Variants in CRYBG1 observed in about 807,000 individuals in gnomAD.
CRYBG1 encodes the protein beta/gamma crystallin domain-containing protein 1.
In CRYBG1, 139 loss-of-function variants were observed where a neutral mutation model predicts 189.2. That is an observed-to-expected ratio of 0.73 (90% CI 0.64 to 0.85). The LOEUF (loss-of-function observed/expected upper bound fraction) is 0.85, where lower values mean the gene tolerates loss of function less well. Ranked by LOEUF, CRYBG1 falls within the 40% of genes least tolerant of loss-of-function variation. The pLI is 0.00. For missense variants in CRYBG1, 2,611 were observed against 2,675.8 expected (o/e 0.98, Z 0.53); for synonymous variants, 1,023 against 1,017.1 (o/e 1.01, Z -0.11).
chr6:106,550,193 G>A (rs1774363516), intron 13 of CRYBG1, among the ~76,000 whole-genome samples: 2 of 152,142 alleles, frequency 1.3e-5, no homozygotes, highest in African/African-American at 2.4e-5. Context: ...CTGGCACCTG[G>A]TAAATGAATT....
intron 2 of CRYBG1, among the ~76,000 whole-genome samples, chr6:106,474,490 G>C (rs1474230156): frequency 6.6e-6 from 1 of 152,120 alleles, no homozygotes; most frequent in East Asian, 1.9e-4. Context: ...AAGTCATAAA[G>C]GTTTTACTTT....
chr6:106,378,418 C>T (rs1312806313), intron 1 of CRYBG1, among the ~76,000 whole-genome samples: 1 of 152,208 alleles, frequency 6.6e-6, no homozygotes, highest in African/African-American at 2.4e-5. Flanking sequence ...CTGCTCAGGG[C>T]TCGGTCCTCG....
intron 2 of CRYBG1, among the ~76,000 whole-genome samples, chr6:106,463,563 T>C (rs780751452): frequency 2.2e-4 from 34 of 152,208 alleles, no homozygotes; most frequent in Non-Finnish European, 4.6e-4. Context: ...TATATGTGTT[T>C]GTATGTGTAT....
At chr6:106,481,012 C>T (rs1419140757) in intron 2 of CRYBG1, among the ~76,000 whole-genome samples, 1 of 39,860 alleles carries the variant, frequency 2.5e-5, no homozygotes, top group Non-Finnish European at 3.7e-5. Flanking sequence ...CTCGCTCTGT[C>T]GCCCAGGCTG....
chr6:106,446,836 C>A (rs2883222), intron 1 of CRYBG1, among the ~76,000 whole-genome samples: 12 of 152,134 alleles, frequency 7.9e-5, no homozygotes, highest in African/African-American at 2.9e-4. Flanking sequence ...AATAGCCATG[C>A]GGCTCTTTTA....
At chr6:106,543,673 A>G (rs955490120) in intron 11 of CRYBG1, 76 bp downstream of exon 11, 2 of 1,445,210 alleles carry the variant, frequency 1.4e-6, no homozygotes, top group African/African-American at 2.8e-5. Context: ...TTTCCCCCCT[A>G]AAAACAACAT....
intron 8 of CRYBG1, 49 bp downstream of exon 8, chr6:106,530,364 G>T: frequency 6.5e-7 from 1 of 1,548,784 alleles, no homozygotes; most frequent in Non-Finnish European, 8.8e-7. Flanking sequence ...TTTTGTGAGT[G>T]TAGTACTGGA....
At chr6:106,376,818 G>T (rs1036707513) in intron 1 of CRYBG1, among the ~76,000 whole-genome samples, 1 of 152,156 alleles carries the variant, frequency 6.6e-6, no homozygotes, top group African/African-American at 2.4e-5. Flanking sequence ...AATCCAAGTG[G>T]TACGCTCTTT....
intron 2 of CRYBG1, among the ~76,000 whole-genome samples, chr6:106,474,097 T>G (rs560366063): frequency 6.6e-6 from 1 of 152,256 alleles, no homozygotes; most frequent in Non-Finnish European, 1.5e-5. Context: ...TTACACAATG[T>G]ATCTGTAGTC....
At chr6:106,363,026 A>G (rs1771909442) in intron 1 of CRYBG1, among the ~76,000 whole-genome samples, 1 of 151,812 alleles carries the variant, frequency 6.6e-6, no homozygotes, top group South Asian at 2.1e-4. Flanking sequence ...CGGGCGGATC[A>G]CGAGGTCAGG....
chr6:106,474,822 G>A lies in CRYBG1; in HGVS notation c.312+22990G>A, dbSNP rs1772302719. Among the ~76,000 whole-genome samples the A allele has an allele frequency of 1.3e-5, 2 of 152,086 alleles. 1 individual carries two copies. The highest frequency in any genetic ancestry group is 4.1e-4 in the South Asian group (2 of 4,828). On this transcript the variant is annotated intron_variant, in intron 2 of 21. Transcript: ENST00000633556. ...AACCTGAGTTTCAGTTCATTCTGAA[G>A]GTAAATTTTTAAAGGCGAGAAATTA...
At chr6:106,402,269 A>C (rs1770734258) in intron 1 of CRYBG1, among the ~76,000 whole-genome samples, 1 of 98,422 alleles carries the variant, frequency 1.0e-5, no homozygotes, top group East Asian at 2.5e-4. Flanking sequence ...GCTACCAATG[A>C]CTTTCTTCAC....
At chr6:106,482,600 C>T (rs1405705858) in intron 2 of CRYBG1, among the ~76,000 whole-genome samples, 1 of 151,910 alleles carries the variant, frequency 6.6e-6, no homozygotes, top group Non-Finnish European at 1.5e-5. Context: ...ACCGTGAAAC[C>T]CCGTCTCTAC....
intron 2 of CRYBG1, among the ~76,000 whole-genome samples, chr6:106,503,449 G>A (rs783389): frequency 0.016 from 2,462 of 152,236 alleles, 61 homozygotes; most frequent in African/African-American, 0.053. Context: ...TCATAAAAGT[G>A]ACACATTAAT....
intron 21 of CRYBG1, among the ~76,000 whole-genome samples, chr6:106,565,325 A>AAC (rs953180459): frequency 8.6e-5 from 13 of 151,806 alleles, no homozygotes; most frequent in Non-Finnish European, 1.9e-4. Flanking sequence ...CGTCTCAAAA[A>AAC]AAAAAAAGTT....
At chr6:106,541,536 G>A in intron 9 of CRYBG1, 50 bp from the exon 10 acceptor site, 2 of 1,551,044 alleles carry the variant, frequency 1.3e-6, no homozygotes, top group Non-Finnish European at 1.8e-6. Context: ...AATATAAAAT[G>A]GTAATGTATC....
chr6:106,418,819 A>G (rs1166715427), intron 1 of CRYBG1, among the ~76,000 whole-genome samples: 1 of 152,232 alleles, frequency 6.6e-6, no homozygotes, highest in African/African-American at 2.4e-5. Flanking sequence ...TGAAAGACAG[A>G]GAAAAGAGAA....
At chr6:106,377,008 A>G (rs978899432) in intron 1 of CRYBG1, among the ~76,000 whole-genome samples, 1 of 152,200 alleles carries the variant, frequency 6.6e-6, no homozygotes, top group South Asian at 2.1e-4. Context: ...GGAGCAATCA[A>G]TTCTTATAAA....
intron 1 of CRYBG1, among the ~76,000 whole-genome samples, chr6:106,418,357 G>A (rs1771063536): frequency 1.3e-5 from 2 of 152,222 alleles, no homozygotes; most frequent in South Asian, 2.1e-4. Context: ...TGTGTCACAG[G>A]TTTCATCTGG....
Sources: allele counts gnomAD v4.1 joint callset (sites outside exome capture counted in the v4.1 genomes callset), GRCh38; gene constraint gnomAD v4.1.1; transcripts MANE v1.5; gene names NCBI Gene and HGNC (gene_info 2026-07-23, HGNC 2026-07-21).